KYNU: variants seen among roughly 807,000 people sequenced by gnomAD.
The protein encoded by KYNU is L-kynurenine hydrolase.
A neutral mutation model predicts 59.2 loss-of-function variants in KYNU; 54 were observed. The observed-to-expected ratio is 0.91, with a 90% CI of 0.73 to 1.14. The LOEUF is 1.14. Ranked by LOEUF, KYNU falls within the 50% of genes most tolerant of loss-of-function variation. The pLI, the probability that KYNU is intolerant of heterozygous loss-of-function variation, is 0.00. For missense variants in KYNU, 567 were observed against 554.4 expected, an observed-to-expected ratio of 1.02 and a Z score of -0.23; for synonymous variants, 177 against 192.0, an observed-to-expected ratio of 0.92 and a Z score of 0.65.
chr2:142,947,051 C>T, intron 4 of KYNU: 1 of 1,550,254 alleles, frequency 6.5e-7, no homozygotes, highest in Non-Finnish European at 8.7e-7. Context: ...CCTCACCCTT[C>T]CCCAAGCAAC....
At chr2:142,989,595 T>A in intron 10 of KYNU, 1 of 660,794 alleles carries the variant, frequency 1.5e-6, no homozygotes, top group South Asian at 6.8e-5. Context: ...AGTATATATG[T>A]TTGAATTATG....
At chr2:142,913,243 T>C (rs1682558706) in intron 2 of KYNU, among the ~76,000 whole-genome samples, 1 of 152,198 alleles carries the variant, frequency 6.6e-6, no homozygotes, top group Non-Finnish European at 1.5e-5. Context: ...TTGGGGTTAG[T>C]TTGTTCTTGC....
intron 8 of KYNU, among the ~76,000 whole-genome samples, chr2:142,965,434 G>GA (rs1338889691): frequency 8.7e-5 from 13 of 149,898 alleles, no homozygotes; most frequent in Non-Finnish European, 5.9e-5. Context: ...TTCTCACCAC[G>GA]AAAGACTTGA....
intron 2 of KYNU, among the ~76,000 whole-genome samples, chr2:142,888,913 C>T (rs1681606200): frequency 6.7e-6 from 1 of 149,860 alleles, no homozygotes; most frequent in Non-Finnish European, 1.5e-5. Flanking sequence ...TATGCTCTAC[C>T]ATCATGTAGC....
intron 10 of KYNU, among the ~76,000 whole-genome samples, chr2:143,025,931 ATAAT>A (rs1686541560): frequency 1.3e-5 from 2 of 152,256 alleles, no homozygotes; most frequent in East Asian, 1.9e-4. Context: ...AATCATTTGC[ATAAT>A]TAATCAGACT....
chr2:143,023,447 A>G (rs901213744), intron 10 of KYNU, among the ~76,000 whole-genome samples: 1 of 151,878 alleles, frequency 6.6e-6, no homozygotes, highest in African/African-American at 2.4e-5. Context: ...ACAGCGTTAA[A>G]CATTTATGTT....
chr2:143,014,234 A>G (rs1264094718), intron 10 of KYNU, among the ~76,000 whole-genome samples: 2 of 152,132 alleles, frequency 1.3e-5, no homozygotes, highest in Admixed American at 6.5e-5. Flanking sequence ...CTTCTCAAAC[A>G]TATGTGGAGT....
intron 9 of KYNU, among the ~76,000 whole-genome samples, chr2:142,985,676 C>T (rs1200797753): frequency 2.6e-5 from 4 of 151,682 alleles, no homozygotes; most frequent in Non-Finnish European, 4.4e-5. Flanking sequence ...ATTTCAAAGC[C>T]AGATCTCATT....
At chr2:142,974,267 G>C (rs1392084670) in intron 8 of KYNU, among the ~76,000 whole-genome samples, 1 of 152,178 alleles carries the variant, frequency 6.6e-6, no homozygotes, top group Non-Finnish European at 1.5e-5. Flanking sequence ...GAAAGAGGAA[G>C]GGTATGGTAA....
At chr2:142,971,927 C>T (rs10928159) in intron 8 of KYNU, among the ~76,000 whole-genome samples, 13,075 of 152,136 alleles carry the variant, frequency 0.086, 709 homozygotes, top group East Asian at 0.21. Flanking sequence ...ACACTTAGGA[C>T]GTGCAGACTG....
intron 2 of KYNU, among the ~76,000 whole-genome samples, chr2:142,887,857 TAACTG>T (rs1681570219): frequency 6.6e-6 from 1 of 152,226 alleles, no homozygotes; most frequent in Non-Finnish European, 1.5e-5. Context: ...TGAATGTACT[TAACTG>T]AATTGTACAC....
chr2:143,015,957 G>T (rs181719204), intron 10 of KYNU, among the ~76,000 whole-genome samples: 2 of 152,258 alleles, frequency 1.3e-5, no homozygotes, highest in African/African-American at 4.8e-5. Flanking sequence ...TTTGCCCTAA[G>T]AATAGTCTAT....
intron 10 of KYNU, among the ~76,000 whole-genome samples, chr2:143,015,345 A>G (rs1348331243): frequency 6.6e-6 from 1 of 152,120 alleles, no homozygotes; most frequent in Non-Finnish European, 1.5e-5. Flanking sequence ...GTGTGGGGAA[A>G]CCAAATTACC....
chr2:142,997,600 T>C (rs749813107), intron 10 of KYNU, among the ~76,000 whole-genome samples: 3 of 152,182 alleles, frequency 2.0e-5, no homozygotes, highest in Admixed American at 6.5e-5. Flanking sequence ...TGGTAATAAG[T>C]TGCCAAATTA....
intron 7 of KYNU, among the ~76,000 whole-genome samples, chr2:142,959,127 TCA>T (rs148878212): frequency 2.7e-5 from 4 of 150,178 alleles, no homozygotes; most frequent in Admixed American, 6.7e-5. Flanking sequence ...ACATACACAC[TCA>T]CACACACACA....
chr2:143,040,701 G>C (rs780157491), intron 13 of KYNU, 43 bp downstream of exon 13: 1 of 1,242,058 alleles, frequency 8.1e-7, no homozygotes, highest in Non-Finnish European at 1.1e-6. Flanking sequence ...TCTATGGGCC[G>C]CATGTTAGGG....
intron 10 of KYNU, among the ~76,000 whole-genome samples, chr2:143,005,991 C>T (rs1685870557): frequency 6.6e-6 from 1 of 152,122 alleles, no homozygotes; most frequent in African/African-American, 2.4e-5. Flanking sequence ...ACTAATGGCT[C>T]TGGGAGGAAA....
intron 2 of KYNU, among the ~76,000 whole-genome samples, chr2:142,899,772 T>C (rs1025795799): frequency 6.6e-6 from 1 of 152,188 alleles, no homozygotes; most frequent in African/African-American, 2.4e-5. Context: ...AGGTTAAAGA[T>C]ACAGGGATTG....
At chr2:143,032,975 T>G (rs1249174290) in intron 11 of KYNU, among the ~76,000 whole-genome samples, 1 of 152,134 alleles carries the variant, frequency 6.6e-6, no homozygotes, top group Non-Finnish European at 1.5e-5. Flanking sequence ...CCAGAAAAAC[T>G]TCCAGAAGAG....
Sources: allele counts gnomAD v4.1 joint callset (sites outside exome capture counted in the v4.1 genomes callset), GRCh38; gene constraint gnomAD v4.1.1; transcripts MANE v1.5; gene names NCBI Gene and HGNC (gene_info 2026-07-23, HGNC 2026-07-21).